OR2T6: variants seen among roughly 807,000 people sequenced by gnomAD.
OR2T6 encodes the protein olfactory receptor family 2 subfamily T member 6.
For missense variants in OR2T6, 424 were observed against 391.6 expected (o/e 1.08, Z -0.70); for synonymous variants, 174 against 148.0 (o/e 1.18, Z -1.27).
rs1661207715 is a variant in OR2T6, at chr1:248,389,175, A to C, written c.*640A>C. The C allele has an allele frequency of 6.6e-6, 1 of 152,220 alleles. No individual in the cohort carries two copies. Among genetic ancestry groups the C allele is most frequent in the Non-Finnish European group, 1.5e-5 (1 of 68,042 alleles). 9.4% of individuals were successfully genotyped at this position (152,220 alleles called of 1,614,324 possible). A position where few individuals can be genotyped will look rare whatever the true frequency, so the allele number is the denominator to read the frequency against. ...AATCTTTATGGGGGAGGGAGTCTGT[A>C]ATGTTAGTTTTTTAATATGGTAACT... is the stretch of plus-strand genomic sequence containing the variant. On this transcript the variant is annotated 3_prime_UTR_variant, in exon 3 of 3. Transcript: ENST00000641644.
rs528970551 is a variant in OR2T6 at position 248,380,325 on chromosome 1, T to C, written c.-159+4271T>C. Among the ~76,000 whole-genome samples, 13 of 152,164 alleles carry C rather than the reference T, an allele frequency of 8.5e-5. No homozygotes were observed. The South Asian group carries it at 2.7e-3, about 32-fold the overall frequency. On this transcript the variant is annotated intron_variant, in intron 1 of 2. Transcript: ENST00000641644. The stretch of plus-strand genomic sequence containing the variant: ...CACTCTTCTCATATCTGTAGTTGGA[T>C]CATTTTTCTTACTTTTAATGATGTT...
chr1:248,383,608 C>G (rs1661080595), intron 1 of OR2T6, among the ~76,000 whole-genome samples: 1 of 131,234 alleles, frequency 7.6e-6, no homozygotes, highest in African/African-American at 3.6e-5. Context: ...TAAAGCACTG[C>G]ACTAGCCTGA....
rs956010224 is a variant in OR2T6 at position 248,388,709 on chromosome 1, G to A, written c.*174G>A. On this transcript the variant is annotated 3_prime_UTR_variant, in exon 3 of 3. Coordinates refer to ENST00000641644, the MANE Select transcript of OR2T6 (RefSeq NM_001005471.2). The stretch of plus-strand genomic sequence containing the variant: ...CCCCCATCAAAAATGGGAAGTTGCT[G>A]TAACAGTCACACACAAATAATGCCA... The A allele has an allele frequency of 4.1e-6, 2 of 493,400 alleles. No individual in the cohort carries two copies. Among genetic ancestry groups the A allele is most frequent in the African/African-American group, 3.8e-5 (2 of 52,582 alleles). The allele number at this position is 493,400 out of a possible 1,614,324, so 30.6% of individuals were successfully genotyped here. A position where few individuals can be genotyped will look rare whatever the true frequency, so the allele number is the denominator to read the frequency against.
rs1282240857 is a variant in OR2T6, at chr1:248,388,796, C to T, written c.*261C>T. 2.4e-6 allele frequency: 1 copy of T among 418,690 alleles called. No individual in the cohort carries two copies. The highest frequency in any genetic ancestry group is 4.2e-6 in the Non-Finnish European group (1 of 237,514). The allele number at this position is 418,690 out of a possible 1,614,324, so 25.9% of individuals were successfully genotyped here. ...TGTTTCTACTGATTCCAAGTCTTCTCTCATATCACTTCTCTGATTGCAGTT... is the reference window on the plus strand; with the variant it reads ...TGTTTCTACTGATTCCAAGTCTTCTTTCATATCACTTCTCTGATTGCAGTT... On this transcript the variant is annotated 3_prime_UTR_variant, in exon 3 of 3. Transcript: ENST00000641644.
chr1:248,386,858 C>A (rs1428460753), intron 2 of OR2T6, among the ~76,000 whole-genome samples: 1 of 152,174 alleles, frequency 6.6e-6, no homozygotes, highest in African/African-American at 2.4e-5. Flanking sequence ...TTCCGCAAAG[C>A]CCTTATTTGC....
chr1:248,382,140 A>G (rs1661045181), intron 1 of OR2T6, among the ~76,000 whole-genome samples: 1 of 104,356 alleles, frequency 9.6e-6, no homozygotes, highest in Non-Finnish European at 2.1e-5. Context: ...CTGGCTCCAG[A>G]GCTCTCTCTT....
intron 2 of OR2T6, among the ~76,000 whole-genome samples, chr1:248,386,936 A>G (rs893544901): frequency 4.6e-5 from 7 of 152,176 alleles, no homozygotes; most frequent in African/African-American, 1.7e-4. Flanking sequence ...TGTAAGTCAC[A>G]TGATTCATAT....
chr1:248,388,492 G>A lies in OR2T6; in HGVS notation c.884G>A (p.Arg295Lys), dbSNP rs113491901. The A allele has an allele frequency of 1.9e-5, 30 of 1,592,076 alleles. No homozygotes were observed. The African/African-American group carries it at 2.4e-4, about 13-fold the overall frequency. ...CCTCTCATCTACAGTCTGAGGAACA[G>A]GGATGTGATGGGTGCCTTGAAGAGA... ...LNPLIYSLRN[R>K]DVMGALKRVV... Residue 295 changes from arginine to lysine, a missense_variant, in exon 3 of 3, where the codon AGG (arginine) becomes AAG (lysine). Coordinates refer to ENST00000641644, the MANE Select transcript of OR2T6 (RefSeq NM_001005471.2).
intron 1 of OR2T6, among the ~76,000 whole-genome samples, chr1:248,376,621 C>A (rs6689133): frequency 0.09 from 13,611 of 151,804 alleles, 1,884 homozygotes; most frequent in African/African-American, 0.3. Flanking sequence ...TATAAAATAC[C>A]CACTCATGTA....
intron 2 of OR2T6, among the ~76,000 whole-genome samples, chr1:248,386,948 C>A (rs961623848): frequency 1.3e-5 from 2 of 152,132 alleles, no homozygotes; most frequent in African/African-American, 2.4e-5. Flanking sequence ...GATTCATATT[C>A]TTTTTATTTA....
chr1:248,384,074 T>G (rs75062106), intron 1 of OR2T6, among the ~76,000 whole-genome samples: 2 of 38,542 alleles, frequency 5.2e-5, no homozygotes. Context: ...TCATCATGGG[T>G]AAAGCACTGC....
At chr1:248,381,061 T>C (rs1430361960) in intron 1 of OR2T6, among the ~76,000 whole-genome samples, 1 of 152,032 alleles carries the variant, frequency 6.6e-6, no homozygotes, top group African/African-American at 2.4e-5. Context: ...ATTAACCTAG[T>C]TGTTTCTATC....
At chr1:248,379,052 A>G (rs11488132) in intron 1 of OR2T6, among the ~76,000 whole-genome samples, 130,494 of 152,132 alleles carry the variant, frequency 0.86, 56,283 homozygotes, top group African/African-American at 0.94. Context: ...GTCTGTGCCT[A>G]TAGTCCCAGC....
At position 248,388,088 on chromosome 1, in the gene OR2T6, C is replaced by A; in HGVS notation, c.480C>A (p.Thr160=). 6.2e-7 allele frequency: 1 copy of A among 1,614,060 alleles called. No homozygotes were observed. The stretch of plus-strand genomic sequence containing the variant: ...GGGCTTTGGACAGTTTTCTCCTCAC[C>A]CCCATTACCATGAGTCTCCCGTTCT... ...FGGALDSFLL[T]PITMSLPFCA... Residue 160 remains threonine (T), a synonymous_variant, in exon 3 of 3, where the codon ACC becomes ACA. Coordinates refer to ENST00000641644, the MANE Select transcript of OR2T6 (RefSeq NM_001005471.2).
At chr1:248,380,532 A>G (rs6689371) in intron 1 of OR2T6, among the ~76,000 whole-genome samples, 13,571 of 151,894 alleles carry the variant, frequency 0.089, 1,866 homozygotes, top group African/African-American at 0.3. Flanking sequence ...TATTTTTCTA[A>G]TGTATTGGGT....
intron 1 of OR2T6, among the ~76,000 whole-genome samples, chr1:248,378,925 T>A (rs1558304280): frequency 1.3e-5 from 2 of 152,130 alleles, no homozygotes; most frequent in South Asian, 2.1e-4. Flanking sequence ...GTAATCCCAA[T>A]ACTTTGGGAG....
rs533031193 is a variant in OR2T6 at position 248,381,203 on chromosome 1, A to T, written c.-158-3508A>T. ...ACAAACATTCTTTTAACTCATTTTA[A>T]TACCAGTAACTGATTTGGTTAATCT... On this transcript the variant is annotated intron_variant, in intron 1 of 2. Coordinates refer to ENST00000641644, the MANE Select transcript of OR2T6 (RefSeq NM_001005471.2). Among the ~76,000 whole-genome samples the T allele has an allele frequency of 7.9e-5, 12 of 152,084 alleles. No individual in the cohort carries two copies. The South Asian group carries it at 2.5e-3, about 32-fold the overall frequency.
intron 2 of OR2T6, among the ~76,000 whole-genome samples, chr1:248,386,079 C>A (rs1223253528): frequency 6.6e-6 from 1 of 152,176 alleles, no homozygotes; most frequent in Admixed American, 6.5e-5. Context: ...TACTCCAAAA[C>A]GGTGTTCTGG....
chr1:248,391,627 A>G lies in OR2T6; in HGVS notation c.*3092A>G, dbSNP rs1011077530. ...AGACTCATCCTTATGTAAAATATGAACTATTAATAATAATGTATCAAAATT... is the reference window on the plus strand; with the variant it reads ...AGACTCATCCTTATGTAAAATATGAGCTATTAATAATAATGTATCAAAATT... On this transcript the variant is annotated 3_prime_UTR_variant, in exon 3 of 3. Transcript: ENST00000641644. 1.1e-4 allele frequency: 17 copies of G among 152,310 alleles called. No homozygotes were observed. The highest frequency in any genetic ancestry group is 6.2e-4 in the South Asian group (3 of 4,824). The allele number at this position is 152,310 out of a possible 1,614,324, so 9.4% of individuals were successfully genotyped here. A position where few individuals can be genotyped will look rare whatever the true frequency, so the allele number is the denominator to read the frequency against.
Sources: allele counts gnomAD v4.1 joint callset (sites outside exome capture counted in the v4.1 genomes callset), GRCh38; gene constraint gnomAD v4.1.1; transcripts MANE v1.5; gene names NCBI Gene and HGNC (gene_info 2026-07-23, HGNC 2026-07-21).